Variants in PCYOX1 observed in about 807,000 individuals in gnomAD.
PCYOX1 encodes the protein prenylcysteine lyase.
Under a neutral mutation model 46.4 loss-of-function variants are expected in PCYOX1, and 46 were observed. The observed-to-expected ratio is 0.99, with a 90% CI of 0.78 to 1.27. The LOEUF (loss-of-function observed/expected upper bound fraction) is 1.27. Ranked by LOEUF, PCYOX1 falls within the 50% of genes most tolerant of loss-of-function variation. PCYOX1 has a pLI of 0.00. For missense variants in PCYOX1, 658 were observed against 628.3 expected (o/e 1.05, Z -0.51); for synonymous variants, 220 against 231.8 (o/e 0.95, Z 0.46).
rs1208721576 is a variant in PCYOX1, at chr2:70,280,292, G to A, written c.*2900G>A. The A allele has an allele frequency of 2.0e-5, 3 of 152,110 alleles. No homozygotes were observed. Among genetic ancestry groups the A allele is most frequent in the African/African-American group, 4.8e-5 (2 of 41,414 alleles). 9.4% of individuals were successfully genotyped at this position (152,110 alleles called of 1,614,324 possible). On this transcript the variant is annotated 3_prime_UTR_variant, in exon 6 of 6. Coordinates refer to ENST00000433351, the MANE Select transcript of PCYOX1 (RefSeq NM_016297.4). ...GAACCTGCTACTCTGGGCGCATTAG[G>A]TAGTTTTATGCAACTATAGTATTAA...
At chr2:70,275,752 C>G in intron 5 of PCYOX1, 86 bp downstream of exon 5, 1 of 1,243,898 alleles carries the variant, frequency 8.0e-7, no homozygotes, top group South Asian at 1.3e-5. Context: ...TCATCTCTTA[C>G]TCAGTTCTAA....
At position 70,275,038 on chromosome 2, in the gene PCYOX1, C is replaced by T; in HGVS notation, c.574C>T (p.Leu192Phe). 1.9e-6 allele frequency: 3 copies of T among 1,613,698 alleles called. No individual in the cohort carries two copies. Among genetic ancestry groups the T allele is most frequent in the East Asian group, 4.5e-5 (2 of 44,892 alleles). ...LLHALGGDDF[L>F]GMLNRTLLET... The stretch of plus-strand genomic sequence containing the variant: ...TCATGCTCTAGGAGGAGATGACTTC[C>T]TTGGAATGCTTAATCGAACACTTCT... The change falls in exon 4 of 6, where the codon CTT becomes TTT. Residue 192 changes from leucine to phenylalanine, a missense_variant. Coordinates refer to ENST00000433351, the MANE Select transcript of PCYOX1 (RefSeq NM_016297.4).
At chr2:70,270,848 C>T (rs963035152) in intron 3 of PCYOX1, among the ~76,000 whole-genome samples, 5 of 151,982 alleles carry the variant, frequency 3.3e-5, no homozygotes, top group South Asian at 2.1e-4. Flanking sequence ...TGGCTCTCCT[C>T]GGCTCACCTT....
intron 3 of PCYOX1, among the ~76,000 whole-genome samples, chr2:70,272,973 C>G (rs1696621978): frequency 6.6e-6 from 1 of 152,164 alleles, no homozygotes; most frequent in African/African-American, 2.4e-5. Flanking sequence ...GCTAGGATTA[C>G]AGGCATGAGC....
chr2:70,258,000 G>A, upstream of PCYOX1: 1 of 499,146 alleles, frequency 2.0e-6, no homozygotes, highest in Non-Finnish European at 3.4e-6. Flanking sequence ...AGCTCCTGCA[G>A]GGTTGAGAGG....
rs1696400032 is a variant in PCYOX1 at position 70,259,347 on chromosome 2, T to G, written c.113-13T>G. ...AAGGGGAAAATATAATCTTCTGTTT[T>G]TTTCCCTCATAGCGATTATTGGAGC... On this transcript the variant is annotated splice_polypyrimidine_tract_variant and intron_variant, in intron 1 of 5. Transcript: ENST00000433351. The G allele has an allele frequency of 6.2e-7, 1 of 1,610,514 alleles. No individual in the cohort carries two copies. Among genetic ancestry groups the G allele is most frequent in the Non-Finnish European group, 8.5e-7 (1 of 1,177,186 alleles).
chr2:70,259,249 T>G, intron 1 of PCYOX1, 111 bp from the exon 2 acceptor site: 1 of 934,460 alleles, frequency 1.1e-6, no homozygotes, highest in Non-Finnish European at 1.7e-6. Context: ...ACCAAATTGT[T>G]GGTAATAGCT....
chr2:70,270,619 C>T (rs1336057996), intron 3 of PCYOX1, among the ~76,000 whole-genome samples: 1 of 152,170 alleles, frequency 6.6e-6, no homozygotes, highest in Non-Finnish European at 1.5e-5. Flanking sequence ...CAGGTGTTTG[C>T]CTGGTTTGCA....
intron 3 of PCYOX1, among the ~76,000 whole-genome samples, chr2:70,270,494 C>T (rs2104896463): frequency 6.6e-6 from 1 of 152,334 alleles, no homozygotes; most frequent in South Asian, 2.1e-4. Flanking sequence ...ACTCCCGGTT[C>T]TCCCATATCA....
At position 70,280,472 on chromosome 2, in the gene PCYOX1, C is replaced by G. The variant is rs544648161; in HGVS notation, c.*3080C>G. The G allele has an allele frequency of 6.6e-6, 1 of 152,242 alleles. No individual in the cohort carries two copies. The highest frequency in any genetic ancestry group is 6.5e-5 in the Admixed American group (1 of 15,294). The allele number at this position is 152,242 out of a possible 1,614,324, so 9.4% of individuals were successfully genotyped here. A position where few individuals can be genotyped will look rare whatever the true frequency, so the allele number is the denominator to read the frequency against. ...GAGCATGCATCAGTTACCTTAAGGG[C>G]TTGTTAAAACATCGCTAGGCTCCAC... is the stretch of plus-strand genomic sequence containing the variant. On this transcript the variant is annotated 3_prime_UTR_variant, in exon 6 of 6. Coordinates refer to ENST00000433351, the MANE Select transcript of PCYOX1 (RefSeq NM_016297.4).
In PCYOX1 at chr2:70,277,349, T is replaced by C; in HGVS notation, c.1475T>C (p.Ile492Thr). The change falls in exon 6 of 6, where the codon ATT (isoleucine) becomes ACT (threonine). Residue 492 changes from isoleucine to threonine, a missense_variant. Ile to Thr is a moderately conservative substitution (Grantham distance 89). Transcript: ENST00000433351. ...YHRWNGHTDM[I>T]DQDGLYEKLK... is the part of the protein sequence containing the mutation. ...CGCTGGAACGGGCACACAGACATGA[T>C]TGATCAGGATGGCTTATATGAGAAA... 35 of 1,611,970 alleles carry C rather than the reference T, an allele frequency of 2.2e-5. No homozygotes were observed. The highest frequency in any genetic ancestry group is 3.0e-5 in the Non-Finnish European group (35 of 1,178,248).
At chr2:70,263,075 A>T (rs556811388) in intron 3 of PCYOX1, among the ~76,000 whole-genome samples, 2 of 152,140 alleles carry the variant, frequency 1.3e-5, no homozygotes, top group Admixed American at 1.3e-4. Flanking sequence ...CTCTACAAAA[A>T]ATATAAAAAT....
At chr2:70,264,043 G>T (rs948765716) in intron 3 of PCYOX1, among the ~76,000 whole-genome samples, 2 of 141,362 alleles carry the variant, frequency 1.4e-5, no homozygotes, top group African/African-American at 5.3e-5. Flanking sequence ...GCTCACTGCA[G>T]CCTGGACCTC....
chr2:70,262,843 C>A (rs1442634308), intron 3 of PCYOX1, among the ~76,000 whole-genome samples: 2 of 152,150 alleles, frequency 1.3e-5, no homozygotes, highest in Middle Eastern at 3.2e-3. Context: ...CGCATCATTA[C>A]ACTCCAGCCT....
intron 5 of PCYOX1, 46 bp downstream of exon 5, chr2:70,275,712 G>C: frequency 2.6e-6 from 4 of 1,541,530 alleles, no homozygotes; most frequent in Non-Finnish European, 3.6e-6. Context: ...TGCAGAAAAT[G>C]ATTGCTCAGG....
In PCYOX1 at chr2:70,279,878, G is replaced by T. The variant is rs1160654687; in HGVS notation, c.*2486G>T. The T allele has an allele frequency of 6.6e-6, 1 of 151,132 alleles. No homozygotes were observed. The highest frequency in any genetic ancestry group is 1.5e-5 in the Non-Finnish European group (1 of 67,774). 9.4% of individuals were successfully genotyped at this position (151,132 alleles called of 1,614,324 possible). On this transcript the variant is annotated 3_prime_UTR_variant, in exon 6 of 6. Transcript: ENST00000433351. ...GTGGATCTCTTGAGGTCGGGAGTTT[G>T]AGACCAGCCTGGCCAACATGGTGAA...
At chr2:70,270,949 A>G (rs941664750) in intron 3 of PCYOX1, among the ~76,000 whole-genome samples, 4 of 151,460 alleles carry the variant, frequency 2.6e-5, no homozygotes, top group Admixed American at 6.6e-5. Flanking sequence ...CTGGTCTCGA[A>G]CTCCTGACCT....
intron 3 of PCYOX1, among the ~76,000 whole-genome samples, chr2:70,270,541 A>G (rs1244751711): frequency 6.6e-6 from 1 of 152,138 alleles, no homozygotes; most frequent in Non-Finnish European, 1.5e-5. Context: ...TGTTTCTTGA[A>G]TGTGCCAGGC....
chr2:70,262,721 C>T lies in PCYOX1; in HGVS notation c.494+1335C>T, dbSNP rs766138264. On this transcript the variant is annotated intron_variant, in intron 3 of 5. Transcript: ENST00000433351. ...GTCTTGATCTCCTGACCTCGTGATC[C>T]GCCTGCCTCAGCCTCCCAAAGTGTT... 5.3e-5 allele frequency among the ~76,000 whole-genome samples: 8 copies of T among 152,002 alleles called. No homozygotes were observed. In the South Asian group the frequency reaches 6.2e-4, roughly 12 times the overall value.
Sources: gnomAD v4.1 joint callset for allele counts (sites outside exome capture counted in the v4.1 genomes callset) on GRCh38, gnomAD v4.1.1 for gene constraint, MANE v1.5 for transcripts, NCBI Gene and HGNC (gene_info 2026-07-23, HGNC 2026-07-21) for gene names.